The following GABRB2 variants were observed in gnomAD, a reference collection of about 807,000 sequenced individuals.
GABRB2 encodes gamma-aminobutyric acid type A receptor subunit beta2, also known as gamma-aminobutyric acid receptor subunit beta-2.
In GABRB2, 16 loss-of-function variants were observed where a neutral mutation model predicts 54.7. The observed-to-expected ratio is 0.29, with a 90% CI of 0.20 to 0.44. The LOEUF is 0.44. Ranked by LOEUF, GABRB2 falls within the 20% of genes least tolerant of loss-of-function variation. The probability of loss-of-function intolerance (pLI) is 1.00; values close to 1 mark genes in which losing one functional copy is unlikely to be tolerated. For missense variants in GABRB2, 355 were observed against 644.0 expected (o/e 0.55, Z 4.86); for synonymous variants, 244 against 233.8 (o/e 1.04, Z -0.40).
intron 4 of GABRB2, among the ~76,000 whole-genome samples, chr5:161,457,612 AT>A (rs1392603055): frequency 6.6e-6 from 1 of 151,700 alleles, no homozygotes; most frequent in South Asian, 2.1e-4. Flanking sequence ...CGCCCAGCAA[AT>A]TTTTTTTAAT....
At chr5:161,325,208 C>A (rs1220334516) in intron 9 of GABRB2, among the ~76,000 whole-genome samples, 1 of 151,848 alleles carries the variant, frequency 6.6e-6, no homozygotes, top group African/African-American at 2.4e-5. Flanking sequence ...TTTCAACAAG[C>A]GTAACTAAAG....
chr5:161,410,703 G>A (rs567364673), intron 5 of GABRB2, among the ~76,000 whole-genome samples: 2 of 152,158 alleles, frequency 1.3e-5, no homozygotes, highest in Admixed American at 1.3e-4. Context: ...AATAGCCCTC[G>A]GTCTCCTTCC....
At chr5:161,349,937 T>C (rs1336454858) in intron 5 of GABRB2, among the ~76,000 whole-genome samples, 1 of 152,130 alleles carries the variant, frequency 6.6e-6, no homozygotes, top group African/African-American at 2.4e-5. Context: ...TCAAAAGTTA[T>C]AAAATAAGAA....
chr5:161,301,714 C>T lies in GABRB2; in HGVS notation c.1192-7286G>A, dbSNP rs112102553. ...CCTTTACAAGGACCTATGCTGCAGG[C>T]CTTGCTTCAGTACAAGGCTCCTTAC... On this transcript the variant is annotated intron_variant, in intron 9 of 9. Transcript: ENST00000393959. Among the ~76,000 whole-genome samples, 1,513 of 152,300 alleles carry T rather than the reference C, an allele frequency of 9.9e-3. 28 individuals carry two copies. The highest frequency in any genetic ancestry group is 0.034 in the African/African-American group (1,399 of 41,556).
intron 5 of GABRB2, among the ~76,000 whole-genome samples, chr5:161,361,131 A>T (rs1312963602): frequency 6.6e-6 from 1 of 152,092 alleles, no homozygotes; most frequent in Non-Finnish European, 1.5e-5. Context: ...ATAAAAGAGA[A>T]ATAGAAAGAG....
At chr5:161,416,560 A>G (rs896604923) in intron 4 of GABRB2, among the ~76,000 whole-genome samples, 1 of 151,274 alleles carries the variant, frequency 6.6e-6, no homozygotes, top group African/African-American at 2.4e-5. Flanking sequence ...AAAAAATTAA[A>G]CATCTTTGAA....
At chr5:161,344,524 A>G (rs1302175168) in intron 5 of GABRB2, among the ~76,000 whole-genome samples, 14 of 151,922 alleles carry the variant, frequency 9.2e-5, no homozygotes, top group Non-Finnish European at 1.6e-4. Flanking sequence ...TTTTTTTAAA[A>G]AAAAAAGTTG....
intron 5 of GABRB2, among the ~76,000 whole-genome samples, chr5:161,384,744 T>G (rs1218480472): frequency 1.3e-5 from 2 of 152,120 alleles, no homozygotes; most frequent in Non-Finnish European, 2.9e-5. Context: ...TGAGTATTTA[T>G]CCAATACTTA....
chr5:161,300,322 G>C (rs1302179978), intron 9 of GABRB2, among the ~76,000 whole-genome samples: 1 of 152,078 alleles, frequency 6.6e-6, no homozygotes, highest in Non-Finnish European at 1.5e-5. Flanking sequence ...TGAAATATCT[G>C]TTTTCATAAG....
intron 5 of GABRB2, among the ~76,000 whole-genome samples, chr5:161,356,088 A>C (rs1204312704): frequency 6.6e-6 from 1 of 152,122 alleles, no homozygotes; most frequent in African/African-American, 2.4e-5. Flanking sequence ...TGAAAACAGA[A>C]TTTAGAGCCA....
At chr5:161,452,661 C>G (rs973575325) in intron 4 of GABRB2, among the ~76,000 whole-genome samples, 19 of 152,106 alleles carry the variant, frequency 1.2e-4, no homozygotes, top group African/African-American at 4.3e-4. Context: ...CTCAAGTATA[C>G]AAACCTGCAC....
intron 3 of GABRB2, among the ~76,000 whole-genome samples, chr5:161,489,533 C>G (rs912464492): frequency 5.3e-5 from 8 of 151,670 alleles, no homozygotes; most frequent in Non-Finnish European, 1.2e-4. Flanking sequence ...GATCTAAACT[C>G]AAACTCAGGT....
At chr5:161,422,163 A>C (rs1004252563) in intron 4 of GABRB2, among the ~76,000 whole-genome samples, 2 of 152,042 alleles carry the variant, frequency 1.3e-5, no homozygotes, top group Admixed American at 6.6e-5. Flanking sequence ...TAAAAATTCT[A>C]CTCTAATAAA....
intron 9 of GABRB2, 25 bp from the exon 10 acceptor site, chr5:161,294,453 A>G (rs1757326644): frequency 6.3e-7 from 1 of 1,590,416 alleles, no homozygotes; most frequent in Non-Finnish European, 8.6e-7. Context: ...AATCAAAAAG[A>G]CAATCAGAAC....
intron 5 of GABRB2, among the ~76,000 whole-genome samples, chr5:161,369,104 G>A (rs1208795615): frequency 6.6e-6 from 1 of 152,120 alleles, no homozygotes; most frequent in African/African-American, 2.4e-5. Flanking sequence ...TCTAACCCTG[G>A]AGCTTCTTAT....
chr5:161,529,822 T>G (rs918049846), intron 3 of GABRB2, among the ~76,000 whole-genome samples: 1 of 152,106 alleles, frequency 6.6e-6, no homozygotes, highest in East Asian at 1.9e-4. Flanking sequence ...TTACATGTAT[T>G]TTGATATTTG....
intron 3 of GABRB2, among the ~76,000 whole-genome samples, chr5:161,499,881 T>C (rs745649070): frequency 2.6e-5 from 4 of 152,068 alleles, no homozygotes; most frequent in African/African-American, 9.7e-5. Context: ...GAAAGTACTA[T>C]ATCTTGTAGC....
chr5:161,397,403 C>A (rs757170304), intron 5 of GABRB2, among the ~76,000 whole-genome samples: 2 of 152,072 alleles, frequency 1.3e-5, no homozygotes, highest in Non-Finnish European at 2.9e-5. Context: ...CTCAATAGTA[C>A]TTTATGTAAG....
chr5:161,330,650 T>A, intron 8 of GABRB2: 1 of 526,548 alleles, frequency 1.9e-6, no homozygotes, highest in Non-Finnish European at 3.4e-6. Context: ...ATCATAAAGG[T>A]CTTCTCATGT....
Sources: gnomAD v4.1 joint callset for allele counts (sites outside exome capture counted in the v4.1 genomes callset) on GRCh38, gnomAD v4.1.1 for gene constraint, MANE v1.5 for transcripts, NCBI Gene and HGNC (gene_info 2026-07-23, HGNC 2026-07-21) for gene names.